The following TMEM237 variants were observed in gnomAD, a reference collection of about 807,000 sequenced individuals.
TMEM237 encodes the protein transmembrane protein 237, also known as amyotrophic lateral sclerosis 2 (juvenile) chromosome region, candidate 4.
Under a neutral mutation model 59.1 loss-of-function variants are expected in TMEM237, and 51 were observed. The observed-to-expected ratio is 0.86, with a 90% CI of 0.69 to 1.09. The LOEUF is 1.09. TMEM237 is among the 50% of genes least tolerant of loss of function. TMEM237 has a pLI of 0.00. For missense variants in TMEM237, 475 were observed against 478.3 expected, an observed-to-expected ratio of 0.99 and a Z score of 0.06; for synonymous variants, 140 against 166.1, an observed-to-expected ratio of 0.84 and a Z score of 1.21.
chr2:201,640,216 T>TA, intron 3 of TMEM237, 45 bp downstream of exon 3: 3 of 1,512,076 alleles, frequency 2.0e-6, no homozygotes, highest in Non-Finnish European at 2.6e-6. Flanking sequence ...GGAATCAAAC[T>TA]AATTTTTGAA....
At chr2:201,634,814 T>C (rs1687263153) in intron 5 of TMEM237, 5 of 409,134 alleles carry the variant, frequency 1.2e-5, no homozygotes, top group South Asian at 1.9e-5. Context: ...CTTCCAAAAT[T>C]ATGCTCCATT....
intron 12 of TMEM237, among the ~76,000 whole-genome samples, chr2:201,625,554 C>T (rs1478209601): frequency 6.6e-6 from 1 of 152,104 alleles, no homozygotes. Context: ...TGAATCACTG[C>T]ACACTGAGCA....
Position 201,643,460 on chromosome 2 carries a change from G to A in TMEM237, c.-60C>T. On this transcript the variant is annotated 5_prime_UTR_variant, in exon 1 of 13. Coordinates refer to ENST00000409883, the MANE Select transcript of TMEM237 (RefSeq NM_001044385.3). This position sits in a 1 kb window ranked among gnomAD's most constrained non-coding sequence, Gnocchi z 4.3. ...GCCGGCGGCCCGAGCCCAGCTCCCC[G>A]CGACGCAGCGGCCTCCGGGACCTGT... The A allele has an allele frequency of 7.2e-7, 1 of 1,384,314 alleles. No homozygotes were observed. Among genetic ancestry groups the A allele is most frequent in the Non-Finnish European group, 9.4e-7 (1 of 1,060,278 alleles). The allele number at this position is 1,384,314 out of a possible 1,614,324, so 85.8% of individuals were successfully genotyped here.
In TMEM237 at chr2:201,642,990, C is replaced by CAGAT. The variant is rs1028774253; in HGVS notation, c.42+365_42+368dup. ...TTAATTAAAGGACTCCGCAGGCGAA[C>CAGAT]AGATCTCTTCTGGGCAGCTACAGAC... On this transcript the variant is annotated intron_variant, in intron 1 of 12. Transcript: ENST00000409883. The CAGAT allele has an allele frequency of 3.9e-5, 51 of 1,297,800 alleles. No homozygotes were observed. In the African/African-American group the frequency reaches 7.5e-4, roughly 19 times the overall value. The allele number at this position is 1,297,800 out of a possible 1,614,324, so 80.4% of individuals were successfully genotyped here.
chr2:201,642,121 G>A (rs932783362), intron 1 of TMEM237, among the ~76,000 whole-genome samples: 2 of 152,178 alleles, frequency 1.3e-5, no homozygotes, highest in Admixed American at 1.3e-4. Context: ...TCATTTACAT[G>A]AATAAGAAAA....
At chr2:201,630,922 A>G (rs1046483231) in intron 7 of TMEM237, 11 of 152,194 alleles carry the variant, frequency 7.2e-5, no homozygotes, top group Admixed American at 2.0e-4. Flanking sequence ...AACAAGGTAC[A>G]CAAAATCTAA....
rs1353242936 is a variant in TMEM237, at chr2:201,620,216, A to T, written c.*4039T>A. The T allele has an allele frequency of 3.9e-5, 6 of 152,202 alleles. No individual in the cohort carries two copies. Among genetic ancestry groups the T allele is most frequent in the Non-Finnish European group, 8.8e-5 (6 of 68,030 alleles). The allele number at this position is 152,202 out of a possible 1,614,324, so 9.4% of individuals were successfully genotyped here. A position where few individuals can be genotyped will look rare whatever the true frequency, so the allele number is the denominator to read the frequency against. ...TTCCAGAACTTCTTTATTGTACATA[A>T]AAATCTGAATTTCTTAATATGGAAA... On this transcript the variant is annotated 3_prime_UTR_variant, in exon 13 of 13. Coordinates refer to ENST00000409883, the MANE Select transcript of TMEM237 (RefSeq NM_001044385.3).
intron 3 of TMEM237, among the ~76,000 whole-genome samples, chr2:201,639,813 A>G (rs1314771313): frequency 1.3e-5 from 2 of 152,164 alleles, no homozygotes. Flanking sequence ...AAGAAAAAAA[A>G]AAGTAGCCTA....
rs748510210 is a variant in TMEM237 at position 201,628,075 on chromosome 2, C to A, written c.943+1G>T. ...GTTATCATGTTAAACTGCTTACTCA[C>A]AGAAAGATGCTAAAGCTGTAGGATC... is the stretch of plus-strand genomic sequence containing the variant. On this transcript the variant is annotated splice_donor_variant, in intron 10 of 12. Transcript: ENST00000409883. LOFTEE classifies it high-confidence loss of function. 28 of 1,605,276 alleles carry A rather than the reference C, an allele frequency of 1.7e-5. No homozygotes were observed. The highest frequency in any genetic ancestry group is 2.3e-5 in the Non-Finnish European group (27 of 1,175,376).
rs921756147 is a variant in TMEM237 at position 201,629,584 on chromosome 2, A to G, written c.677+145T>C. On this transcript the variant is annotated intron_variant, in intron 8 of 12. Transcript: ENST00000409883. ...ACTGATAGGTAGATCACTCAATTCC[A>G]ATAGGATGTTTAAAAAATATACCTA... is the stretch of plus-strand genomic sequence containing the variant. The G allele has an allele frequency of 1.2e-4, 152 of 1,297,228 alleles. No homozygotes were observed. In the Middle Eastern group the frequency reaches 2.4e-3, roughly 21 times the overall value. The allele number at this position is 1,297,228 out of a possible 1,614,324, so 80.4% of individuals were successfully genotyped here. A position where few individuals can be genotyped will look rare whatever the true frequency, so the allele number is the denominator to read the frequency against.
chr2:201,629,562 G>T (rs1221103990), intron 8 of TMEM237, 141 bp from the exon 9 acceptor site: 5 of 1,265,538 alleles, frequency 4.0e-6, no homozygotes, highest in Non-Finnish European at 5.3e-6. Flanking sequence ...TAGTTACACT[G>T]ATAGGTAGAT....
intron 11 of TMEM237, 49 bp downstream of exon 11, chr2:201,627,272 G>T: frequency 7.6e-7 from 1 of 1,321,638 alleles, no homozygotes. Flanking sequence ...GATAAGAAAA[G>T]TTGCTGTTAT....
At position 201,639,114 on chromosome 2, in the gene TMEM237, G is replaced by T. The variant is rs75557171; in HGVS notation, c.80-69C>A. On this transcript the variant is annotated intron_variant, in intron 3 of 12. Transcript: ENST00000409883. The stretch of plus-strand genomic sequence containing the variant: ...TTCAATGCAGAGAACAGTCAGAAGA[G>T]AACTTTTAAACAGGGAAGAATTCTC... 4.1e-4 allele frequency: 587 copies of T among 1,415,810 alleles called. 4 individuals are homozygous for T. In the African/African-American group the frequency reaches 6.8e-3, roughly 16 times the overall value. The allele number at this position is 1,415,810 out of a possible 1,614,324, so 87.7% of individuals were successfully genotyped here.
intron 4 of TMEM237, among the ~76,000 whole-genome samples, chr2:201,638,267 T>C (rs1464373592): frequency 1.3e-5 from 2 of 152,120 alleles, no homozygotes; most frequent in African/African-American, 4.8e-5. Context: ...TTGTTTGTTT[T>C]AAAAAAGGAG....
chr2:201,627,538 C>T, intron 10 of TMEM237, 124 bp from the exon 11 acceptor site: 1 of 618,250 alleles, frequency 1.6e-6, no homozygotes, highest in Non-Finnish European at 2.7e-6. Flanking sequence ...ATTTATTTGA[C>T]CAAATAAATA....
Position 201,636,899 on chromosome 2 carries a change from G to C in TMEM237, c.137-14C>G, listed in dbSNP as rs760624801. 15 of 1,583,102 alleles carry C rather than the reference G, an allele frequency of 9.5e-6. No homozygotes were observed. The African/African-American group carries it at 1.5e-4, about 16-fold the overall frequency. ...AAGAAGCACTTGCTATAGAAAAACA[G>C]AGTAGAAAAAAATGAGATTACTTGA... On this transcript the variant is annotated splice_polypyrimidine_tract_variant and intron_variant, in intron 4 of 12. Transcript: ENST00000409883.
chr2:201,622,263 T>C lies in TMEM237; in HGVS notation c.*1992A>G, dbSNP rs1957714997. 6.6e-6 allele frequency: 1 copy of C among 152,248 alleles called. No homozygotes were observed. 9.4% of individuals were successfully genotyped at this position (152,248 alleles called of 1,614,324 possible). ...TCTTTATTCTCTAGGATATATAGCT[T>C]TCTATTGCTGCCATAAGCAATCACC... is the stretch of plus-strand genomic sequence containing the variant. On this transcript the variant is annotated 3_prime_UTR_variant, in exon 13 of 13. Coordinates refer to ENST00000409883, the MANE Select transcript of TMEM237 (RefSeq NM_001044385.3).
At chr2:201,625,524 G>A (rs1325069677) in intron 12 of TMEM237, among the ~76,000 whole-genome samples, 1 of 152,188 alleles carries the variant, frequency 6.6e-6, no homozygotes, top group Non-Finnish European at 1.5e-5. Flanking sequence ...TCCAAAAGGG[G>A]TCTGGGGACT....
chr2:201,642,835 C>T (rs1574589355), intron 1 of TMEM237: 1 of 1,344,078 alleles, frequency 7.4e-7, no homozygotes, highest in South Asian at 1.9e-5. Flanking sequence ...AAAAAGGGGG[C>T]CTCGGAGTTG....
Sources: gnomAD v4.1 joint callset for allele counts (sites outside exome capture counted in the v4.1 genomes callset) on GRCh38, gnomAD v4.1.1 for gene constraint, Gnocchi (gnomAD v3.1) non-coding constraint, MANE v1.5 for transcripts, NCBI Gene and HGNC (gene_info 2026-07-23, HGNC 2026-07-21) for gene names.